TBC1D22A: variants seen among roughly 807,000 people sequenced by gnomAD.
TBC1D22A encodes TBC1 domain family member 22A.
TBC1D22A carries 38 observed loss-of-function variants against 60.2 expected under a neutral mutation model. The observed-to-expected ratio is 0.63, with a 90% CI of 0.49 to 0.83. The LOEUF (loss-of-function observed/expected upper bound fraction) is 0.83, where lower values mean the gene tolerates loss of function less well. Among genes scored for constraint, TBC1D22A ranks in the 40% least tolerant of loss-of-function variants. The pLI is 0.00. For missense variants in TBC1D22A, 628 were observed against 701.0 expected (o/e 0.90, Z 1.18); for synonymous variants, 302 against 281.7 (o/e 1.07, Z -0.72).
chr22:47,000,836 GA>G (rs55692041), intron 10 of TBC1D22A, among the ~76,000 whole-genome samples: 10,186 of 141,190 alleles, frequency 0.072, 603 homozygotes, highest in African/African-American at 0.16. Context: ...AAAGCAAAAA[GA>G]AAAAAAAAAA....
At chr22:46,869,103 C>T (rs1204497502) in intron 4 of TBC1D22A, among the ~76,000 whole-genome samples, 1 of 152,236 alleles carries the variant, frequency 6.6e-6, no homozygotes, top group Non-Finnish European at 1.5e-5. Flanking sequence ...TTTCTGCTGA[C>T]ATTTCTTGTC....
intron 12 of TBC1D22A, among the ~76,000 whole-genome samples, chr22:47,112,436 G>A (rs2065884807): frequency 6.6e-6 from 1 of 152,168 alleles, no homozygotes; most frequent in Non-Finnish European, 1.5e-5. Context: ...TCAGATAAAG[G>A]GACGGACCTA....
At chr22:47,109,916 C>G (rs908093198) in intron 11 of TBC1D22A, among the ~76,000 whole-genome samples, 4 of 152,106 alleles carry the variant, frequency 2.6e-5, no homozygotes, top group African/African-American at 9.7e-5. Context: ...CCTCCTGGTT[C>G]TCCTGGTTCC....
intron 11 of TBC1D22A, among the ~76,000 whole-genome samples, chr22:47,045,012 T>G (rs2062982404): frequency 6.6e-6 from 1 of 152,220 alleles, no homozygotes; most frequent in Non-Finnish European, 1.5e-5. Context: ...AGAATGACTC[T>G]CCAAGTGGGC....
At chr22:47,152,485 G>A (rs1253328368) in intron 12 of TBC1D22A, among the ~76,000 whole-genome samples, 2 of 152,288 alleles carry the variant, frequency 1.3e-5, no homozygotes, top group South Asian at 2.1e-4. Context: ...CCATGGGATG[G>A]TGACCCCTCA....
chr22:47,005,617 A>AC (rs138956763), intron 10 of TBC1D22A, among the ~76,000 whole-genome samples: 60,401 of 149,424 alleles, frequency 0.4, 14,202 homozygotes, highest in African/African-American at 0.67. Flanking sequence ...ATACTCACAT[A>AC]CCCCCTACAA....
chr22:46,811,431 C>T (rs2085371185), intron 4 of TBC1D22A, among the ~76,000 whole-genome samples: 2 of 152,156 alleles, frequency 1.3e-5, no homozygotes, highest in African/African-American at 4.8e-5. Context: ...TTTGTGGGTG[C>T]ATCTTGTCTC....
intron 7 of TBC1D22A, among the ~76,000 whole-genome samples, chr22:46,907,027 G>A (rs567760970): frequency 8.6e-5 from 13 of 151,800 alleles, no homozygotes; most frequent in African/African-American, 2.9e-4. Context: ...TGCACGCTTC[G>A]TATGTGTGTA....
chr22:46,808,916 A>G (rs555426697), intron 4 of TBC1D22A, among the ~76,000 whole-genome samples: 1 of 152,230 alleles, frequency 6.6e-6, no homozygotes, highest in Non-Finnish European at 1.5e-5. Context: ...TGAGGTATTC[A>G]TATAAACTAT....
intron 11 of TBC1D22A, among the ~76,000 whole-genome samples, chr22:47,080,905 G>A (rs1262976294): frequency 6.6e-6 from 1 of 151,872 alleles, no homozygotes; most frequent in South Asian, 2.1e-4. Flanking sequence ...GGTGGATCAC[G>A]AGGTCAGGAG....
chr22:46,847,955 GCGC>G, intron 4 of TBC1D22A, among the ~76,000 whole-genome samples: 1 of 50,064 alleles, frequency 2.0e-5, no homozygotes, highest in Non-Finnish European at 4.0e-5. Context: ...GTGTGTGTGT[GCGC>G]GCGCGCACGC....
At chr22:47,058,667 G>A (rs2063474362) in intron 11 of TBC1D22A, among the ~76,000 whole-genome samples, 1 of 152,072 alleles carries the variant, frequency 6.6e-6, no homozygotes, top group South Asian at 2.1e-4. Flanking sequence ...TCAGAGAGAT[G>A]TCCAGGTGGA....
intron 9 of TBC1D22A, among the ~76,000 whole-genome samples, chr22:46,996,119 A>C (rs1452875792): frequency 6.6e-6 from 1 of 152,232 alleles, no homozygotes; most frequent in Non-Finnish European, 1.5e-5. Flanking sequence ...CCACTGTCGG[A>C]AAGGCTGCCC....
At chr22:47,030,777 A>T (rs2062444879) in intron 10 of TBC1D22A, among the ~76,000 whole-genome samples, 1 of 152,266 alleles carries the variant, frequency 6.6e-6, no homozygotes, top group African/African-American at 2.4e-5. Flanking sequence ...ATAAAATAAG[A>T]AAAATGAATC....
intron 12 of TBC1D22A, among the ~76,000 whole-genome samples, chr22:47,138,681 A>G (rs2066969143): frequency 6.6e-6 from 1 of 152,166 alleles, no homozygotes; most frequent in African/African-American, 2.4e-5. Flanking sequence ...CTGGTATAAC[A>G]AAATAGCATA....
At position 46,950,046 on chromosome 22, in the gene TBC1D22A, C is replaced by T. The variant is rs147511433; in HGVS notation, c.1016-24244C>T. On this transcript the variant is annotated intron_variant, in intron 8 of 12. Transcript: ENST00000337137. The stretch of plus-strand genomic sequence containing the variant: ...TTTTTGAAAAGGGTCGCCTTGGGAA[C>T]GTACTGAGACTAGGTTGTAGGGAGA... Among the ~76,000 whole-genome samples, 11 of 152,264 alleles carry T rather than the reference C, an allele frequency of 7.2e-5. No homozygotes were observed. In the East Asian group the frequency reaches 9.7e-4, roughly 13 times the overall value.
intron 4 of TBC1D22A, among the ~76,000 whole-genome samples, chr22:46,857,383 T>C (rs1304798525): frequency 6.6e-6 from 1 of 152,252 alleles, no homozygotes; most frequent in Non-Finnish European, 1.5e-5. Context: ...ATCATCGCTG[T>C]AGTCCCGCAG....
intron 11 of TBC1D22A, among the ~76,000 whole-genome samples, chr22:47,088,676 T>C (rs1358665566): frequency 1.3e-5 from 2 of 152,128 alleles, no homozygotes; most frequent in African/African-American, 4.8e-5. Flanking sequence ...AATTGCAGTG[T>C]CACCCTAATG....
In TBC1D22A at chr22:47,041,525, C is replaced by T. The variant is rs1256941312; in HGVS notation, c.1329+4327C>T. Among the ~76,000 whole-genome samples the T allele has an allele frequency of 3.9e-5, 6 of 152,364 alleles. No individual in the cohort carries two copies. In the East Asian group the frequency reaches 9.6e-4, roughly 24 times the overall value. ...ATACATGGAGGCTCTAGATTGCCTA[C>T]TGGTCACCAAACAGATCTGGGTCCT... On this transcript the variant is annotated intron_variant, in intron 11 of 12. Coordinates refer to ENST00000337137, the MANE Select transcript of TBC1D22A (RefSeq NM_014346.5).
Sources: allele counts gnomAD v4.1 joint callset (sites outside exome capture counted in the v4.1 genomes callset), GRCh38; gene constraint gnomAD v4.1.1; transcripts MANE v1.5; gene names NCBI Gene and HGNC (gene_info 2026-07-23, HGNC 2026-07-21).